Variants in RBM10 observed in about 807,000 individuals in gnomAD.
RBM10 encodes RNA-binding protein 10.
RBM10 carries 1 observed loss-of-function variant against 84.9 expected under a neutral mutation model. The observed-to-expected ratio is 0.01, with a 90% CI of 0.00 to 0.06. RBM10 has a LOEUF of 0.06. Among genes scored for constraint, RBM10 ranks in the 10% least tolerant of loss-of-function variants. RBM10 has a pLI of 1.00. For synonymous variants in RBM10, 326 were observed against 344.5 expected (o/e 0.95, Z 0.60); for missense variants, 438 against 839.0 (o/e 0.52, Z 5.90).
At chrX:47,160,692 T>G (rs1933609438) in intron 2 of RBM10, among the ~76,000 whole-genome samples, 1 of 111,718 alleles carries the variant, frequency 9.0e-6, no homozygotes, top group Non-Finnish European at 1.9e-5. Context: ...GTTTCGAGAT[T>G]TTTTTTTGGA....
intron 2 of RBM10, among the ~76,000 whole-genome samples, chrX:47,155,122 GGA>G (rs1932989028): frequency 1.0e-5 from 1 of 98,361 alleles, no homozygotes; most frequent in African/African-American, 3.8e-5. Flanking sequence ...ACTCCAGCCC[GGA>G]GGACAGTGCG....
At chrX:47,174,139 T>C (rs1182792068) in intron 5 of RBM10, among the ~76,000 whole-genome samples, 2 of 108,544 alleles carry the variant, frequency 1.8e-5, no homozygotes, top group Non-Finnish European at 3.8e-5. Context: ...GCCTGGAATC[T>C]TGGTTGCATG....
intron 2 of RBM10, 144 bp downstream of exon 2, chrX:47,147,642 G>GCCAAA: frequency 5.3e-6 from 4 of 758,027 alleles, no homozygotes; most frequent in Non-Finnish European, 7.9e-6. Flanking sequence ...CAGGTGTTTG[G>GCCAAA]CACCTGTTGT....
intron 1 of RBM10, 136 bp downstream of exon 1, chrX:47,145,621 GT>G (rs781881666): frequency 0.016 from 2,970 of 183,311 alleles, no homozygotes; most frequent in East Asian, 0.033. Context: ...ACCCGGGAGG[GT>G]TTTTTTTTTT....
intron 2 of RBM10, among the ~76,000 whole-genome samples, chrX:47,165,891 G>A (rs1445429163): frequency 1.8e-5 from 2 of 109,374 alleles, no homozygotes; most frequent in Non-Finnish European, 3.8e-5. Flanking sequence ...GTGGCTGCGT[G>A]CATCTATAGT....
rs1556782050 is a variant in RBM10 at position 47,185,621 on chromosome X, G to A, written c.2346G>A (p.Gly782=). ...EALIRHQQLS[G]LHKQNLEIHR... is the part of the protein sequence containing the mutation. ...TCATCCGGCACCAGCAGCTCTCAGG[G>A]CTCCACAAGGTAACAGCGGATGGTT... Residue 782 remains glycine, a synonymous_variant, in exon 20 of 24, where the codon GGG becomes GGA. Coordinates refer to ENST00000377604, the MANE Select transcript of RBM10 (RefSeq NM_005676.5). 8.3e-7 allele frequency: 1 copy of A among 1,207,438 alleles called. No homozygotes were observed.
At chrX:47,169,077 A>G (rs1934448552) in intron 2 of RBM10, among the ~76,000 whole-genome samples, 1 of 111,274 alleles carries the variant, frequency 9.0e-6, no homozygotes, top group Non-Finnish European at 1.9e-5. Context: ...TAGAAAGTTT[A>G]CAGGGTGAGA....
At position 47,157,028 on chromosome X, in the gene RBM10, G is replaced by T. The variant is rs192123955; in HGVS notation, c.17+9530G>T. 482 of 298,392 alleles carry T rather than the reference G, an allele frequency of 1.6e-3. 1 individual carries two copies. The highest frequency in any genetic ancestry group is 3.0e-3 in the Middle Eastern group (4 of 1,323). The allele number at this position is 298,392 out of a possible 1,213,427, so 24.6% of individuals were successfully genotyped here. ...TGACGGCATGCTGCCCCATCTGGTT[G>T]TTGATGATGATGTCGGTGCCGAACA... On this transcript the variant is annotated intron_variant, in intron 2 of 23. Transcript: ENST00000377604.
intron 1 of RBM10, among the ~76,000 whole-genome samples, chrX:47,145,839 GCT>G (rs1201505067): frequency 9.7e-6 from 1 of 103,250 alleles, no homozygotes; most frequent in Non-Finnish European, 2.0e-5. Flanking sequence ...AGGGGATGCT[GCT>G]CTGTGTTACT....
At chrX:47,175,129 T>G in intron 6 of RBM10, 37 bp downstream of exon 6, 3 of 906,823 alleles carry the variant, frequency 3.3e-6, no homozygotes, top group Non-Finnish European at 4.4e-6. Flanking sequence ...CCCAAACAAA[T>G]ACTACTTTGT....
chrX:47,145,710 G>A (rs1932115256), intron 1 of RBM10, among the ~76,000 whole-genome samples: 1 of 97,061 alleles, frequency 1.0e-5, no homozygotes, highest in Non-Finnish European at 2.0e-5. Context: ...ATGGGTGCAT[G>A]CGGGTTGGGG....
chrX:47,152,639 G>A (rs1054391503), intron 2 of RBM10, among the ~76,000 whole-genome samples: 5 of 106,257 alleles, frequency 4.7e-5, no homozygotes, highest in African/African-American at 1.7e-4. Flanking sequence ...TAGAAACGAG[G>A]TTTCACCATG....
At chrX:47,154,661 G>A (rs1229111496) in intron 2 of RBM10, among the ~76,000 whole-genome samples, 1 of 109,116 alleles carries the variant, frequency 9.2e-6, no homozygotes, top group Non-Finnish European at 1.9e-5. Flanking sequence ...ATGTTTGCCA[G>A]ACTGGTCTCG....
At chrX:47,163,599 T>G (rs1331896050) in intron 2 of RBM10, among the ~76,000 whole-genome samples, 3 of 110,406 alleles carry the variant, frequency 2.7e-5, no homozygotes, top group Non-Finnish European at 5.7e-5. Flanking sequence ...GAATTACAGG[T>G]GTGAGCCCAC....
At chrX:47,176,671 C>T (rs1326110414) in intron 7 of RBM10, 85 bp downstream of exon 7, 7 of 1,167,777 alleles carry the variant, frequency 6.0e-6, no homozygotes, top group Non-Finnish European at 8.0e-6. Context: ...CCCGCTCTTT[C>T]TCCCTCCATC....
intron 2 of RBM10, chrX:47,157,232 C>T (rs367748573): frequency 6.3e-5 from 18 of 286,625 alleles, no homozygotes; most frequent in African/African-American, 1.4e-4. Flanking sequence ...ACATTGTGTC[C>T]GCGGAGAATT....
At chrX:47,149,560 A>G (rs868971105) in intron 2 of RBM10, among the ~76,000 whole-genome samples, 1 of 109,508 alleles carries the variant, frequency 9.1e-6, no homozygotes, top group African/African-American at 3.3e-5. Flanking sequence ...GGGTTTCTCC[A>G]TGCTGGTCAG....
intron 2 of RBM10, among the ~76,000 whole-genome samples, chrX:47,158,363 C>T (rs956898651): frequency 8.9e-5 from 10 of 111,893 alleles, no homozygotes; most frequent in African/African-American, 3.2e-4. Context: ...CTCCACAACC[C>T]CCCCACCCCT....
In RBM10 at chrX:47,181,210, T is replaced by G. The variant is rs1428378487; in HGVS notation, c.1249-5T>G. On this transcript the variant is annotated splice_polypyrimidine_tract_variant and splice_region_variant and intron_variant, in intron 12 of 23. Transcript: ENST00000377604. ...TCTAATGAACCCCTCCCACCTGCCC[T>G]TCAGGCCTCCCAAGGTGGGGAGGGT... The G allele has an allele frequency of 2.1e-6, 2 of 971,495 alleles. No homozygotes were observed. Among genetic ancestry groups the G allele is most frequent in the African/African-American group, 5.0e-5 (2 of 40,084 alleles). 80.1% of individuals were successfully genotyped at this position (971,495 alleles called of 1,213,427 possible).
Sources: gnomAD v4.1 joint callset for allele counts (sites outside exome capture counted in the v4.1 genomes callset) on GRCh38, gnomAD v4.1.1 for gene constraint, MANE v1.5 for transcripts, NCBI Gene and HGNC (gene_info 2026-07-23, HGNC 2026-07-21) for gene names.